MEIOB: variants seen among roughly 807,000 people sequenced by gnomAD.
MEIOB encodes meiosis-specific with OB domain-containing protein.
MEIOB carries 50 observed loss-of-function variants against 53.1 expected under a neutral mutation model. That is an observed-to-expected ratio of 0.94 (90% CI 0.75 to 1.19). The LOEUF (loss-of-function observed/expected upper bound fraction) is 1.19, where lower values mean the gene tolerates loss of function less well. Among genes scored for constraint, MEIOB ranks in the 50% most tolerant of loss-of-function variants. MEIOB has a pLI of 0.00. For synonymous variants in MEIOB, 192 were observed against 182.5 expected (o/e 1.05, Z -0.42); for missense variants, 551 against 550.8 (o/e 1.00, Z 0.00).
chr16:1,856,069 A>G (rs1266056273), intron 6 of MEIOB, among the ~76,000 whole-genome samples: 1 of 151,426 alleles, frequency 6.6e-6, no homozygotes. Flanking sequence ...ATCTCAGCTC[A>G]TTGCAACCTC....
At chr16:1,843,218 G>A (rs1052632917) in intron 10 of MEIOB, among the ~76,000 whole-genome samples, 26 of 151,396 alleles carry the variant, frequency 1.7e-4, no homozygotes, top group Non-Finnish European at 2.9e-4. Flanking sequence ...GCGTGAACCC[G>A]GGAGGCGGAG....
At chr16:1,844,149 G>T (rs111866141) in intron 10 of MEIOB, among the ~76,000 whole-genome samples, 5,106 of 147,100 alleles carry the variant, frequency 0.035, 316 homozygotes, top group African/African-American at 0.12. Context: ...TTGAGACGGG[G>T]TCTCGCTCTG....
At position 1,864,160 on chromosome 16, in the gene MEIOB, A is replaced by T. The variant is rs193020816; in HGVS notation, c.127+1618T>A. 4.6e-3 allele frequency among the ~76,000 whole-genome samples: 693 copies of T among 152,260 alleles called. 1 individual carries two copies. The highest frequency in any genetic ancestry group is 8.0e-3 in the Admixed American group (123 of 15,288). ...GAGCAAGACCCTATCTCAAATTTTT[A>T]AAAAAAGTAATATAACTCAACATAC... On this transcript the variant is annotated intron_variant, in intron 3 of 13. Transcript: ENST00000325962.
At chr16:1,849,869 G>T (rs1032067290) in intron 9 of MEIOB, among the ~76,000 whole-genome samples, 1 of 152,102 alleles carries the variant, frequency 6.6e-6, no homozygotes, top group African/African-American at 2.4e-5. Context: ...CAAAAAAAAT[G>T]ATAAGTATGT....
intron 2 of MEIOB, among the ~76,000 whole-genome samples, chr16:1,867,359 C>A (rs550015461): frequency 1.1e-4 from 17 of 151,402 alleles, no homozygotes; most frequent in Non-Finnish European, 2.4e-4. Context: ...AGAAAACACA[C>A]ATGTTATAAA....
intron 2 of MEIOB, among the ~76,000 whole-genome samples, 197 bp downstream of exon 2, chr16:1,867,910 A>AAATG (rs140424560): frequency 7.1e-3 from 36 of 5,058 alleles, no homozygotes; most frequent in Non-Finnish European, 0.017. Context: ...CTCTACACAC[A>AAATG]AAGATTAATT....
chr16:1,865,965 T>G, intron 2 of MEIOB, 130 bp from the exon 3 acceptor site: 1 of 613,714 alleles, frequency 1.6e-6, no homozygotes, highest in East Asian at 2.9e-5. Context: ...TAAATGTATT[T>G]ATTCCAGGCA....
At position 1,861,991 on chromosome 16, in the gene MEIOB, C is replaced by T; in HGVS notation, c.253G>A (p.Asp85Asn). Residue 85 changes from aspartate (D) to asparagine (N), a missense_variant, in exon 4 of 14, where the codon GAC becomes AAC. By Grantham distance (23) the Asp-to-Asn change is conservative. Transcript: ENST00000325962. ...AGAATCAATGCCAACTTACCACAGT[C>T]ACCAACCCTAAAGCTGTCAGAAAGA... ...KSLSDSFRVG[D>N]CVIIENPLIQ... 2.6e-6 allele frequency: 4 copies of T among 1,549,586 alleles called. No homozygotes were observed. The highest frequency in any genetic ancestry group is 3.5e-6 in the Non-Finnish European group (4 of 1,146,346).
In MEIOB at chr16:1,853,027, A is replaced by G. The variant is rs1899209858; in HGVS notation, c.778+12T>C. On this transcript the variant is annotated intron_variant, in intron 9 of 13. Transcript: ENST00000325962. ...TTTCCAAAGGGATAAAAGGTTTCAC[A>G]AAGTTTTTTACCTGGATTAGTTGTA... 6.4e-7 allele frequency: 1 copy of G among 1,568,196 alleles called. No homozygotes were observed. Among genetic ancestry groups the G allele is most frequent in the Non-Finnish European group, 8.8e-7 (1 of 1,140,026 alleles).
At chr16:1,849,220 A>G (rs1596972214) in intron 9 of MEIOB, among the ~76,000 whole-genome samples, 1 of 151,908 alleles carries the variant, frequency 6.6e-6, no homozygotes, top group South Asian at 2.1e-4. Context: ...AGAAATCAAG[A>G]CCATCCTGGC....
chr16:1,840,829 CGT>C (rs1421072734), intron 11 of MEIOB, among the ~76,000 whole-genome samples: 1 of 152,032 alleles, frequency 6.6e-6, no homozygotes, highest in Non-Finnish European at 1.5e-5. Context: ...GGATTACAGG[CGT>C]GAGCCACCAC....
At chr16:1,847,549 T>C (rs1314220894) in intron 9 of MEIOB, among the ~76,000 whole-genome samples, 2 of 151,040 alleles carry the variant, frequency 1.3e-5, no homozygotes, top group Non-Finnish European at 2.9e-5. Context: ...GGCAGGAGGA[T>C]TTCTTGAGGT....
At chr16:1,843,189 A>G (rs1898956045) in intron 10 of MEIOB, among the ~76,000 whole-genome samples, 1 of 151,332 alleles carries the variant, frequency 6.6e-6, no homozygotes, top group African/African-American at 2.4e-5. Flanking sequence ...CCTACTCCAG[A>G]GGCTGAGGCA....
intron 9 of MEIOB, among the ~76,000 whole-genome samples, chr16:1,850,881 AC>A (rs1214290889): frequency 6.6e-6 from 1 of 152,152 alleles, no homozygotes; most frequent in Non-Finnish European, 1.5e-5. Flanking sequence ...AGATCACGCC[AC>A]TGCACTCCAG....
intron 6 of MEIOB, among the ~76,000 whole-genome samples, chr16:1,854,854 T>C (rs1282337892): frequency 6.9e-6 from 1 of 144,176 alleles, no homozygotes; most frequent in Non-Finnish European, 1.5e-5. Flanking sequence ...AAAAGAAGAG[T>C]TGAAACTAGG....
chr16:1,848,544 C>CTTTTTTTTTTTTTTTTTTTT (rs749481002), intron 9 of MEIOB, among the ~76,000 whole-genome samples: 2 of 129,742 alleles, frequency 1.5e-5, no homozygotes, highest in African/African-American at 2.9e-5. Context: ...TTTTTTTTTC[C>CTTTTTTTTTTTTTTTTTTTT]TTTTTTTTTT....
In MEIOB at chr16:1,858,011, A is replaced by AT. The variant is rs1899353045; in HGVS notation, c.333-82dup. 5 of 870,058 alleles carry AT rather than the reference A, an allele frequency of 5.7e-6. No homozygotes were observed. In the South Asian group the frequency reaches 9.0e-5, roughly 16 times the overall value. The allele number at this position is 870,058 out of a possible 1,614,324, so 53.9% of individuals were successfully genotyped here. A position where few individuals can be genotyped will look rare whatever the true frequency, so the allele number is the denominator to read the frequency against. Reference sequence around the variant, plus strand: ...ATTTCCAGGTCCACATTTAAACTACATTTTTCATTGAAATTTAGACAATAC... The same window carrying AT: ...ATTTCCAGGTCCACATTTAAACTACATTTTTTCATTGAAATTTAGACAATAC... On this transcript the variant is annotated intron_variant, in intron 5 of 13. Transcript: ENST00000325962.
chr16:1,870,791 G>A (rs2982235), intron 1 of MEIOB, among the ~76,000 whole-genome samples: 125,567 of 152,144 alleles, frequency 0.83, 51,942 homozygotes, highest in Middle Eastern at 0.9. Context: ...TCACAATGCA[G>A]TGTCACTATC....
chr16:1,842,623 C>CAAAAAAAAAAATAAAAAA (rs202147878), intron 10 of MEIOB, among the ~76,000 whole-genome samples: 1 of 97,776 alleles, frequency 1.0e-5, no homozygotes, highest in Non-Finnish European at 2.1e-5. Context: ...AACTCCATCT[C>CAAAAAAAAAAATAAAAAA]AAAAAGACAG....
Sources: gnomAD v4.1 joint callset for allele counts (sites outside exome capture counted in the v4.1 genomes callset) on GRCh38, gnomAD v4.1.1 for gene constraint, MANE v1.5 for transcripts, NCBI Gene and HGNC (gene_info 2026-07-23, HGNC 2026-07-21) for gene names.